PARP11: variants seen among roughly 807,000 people sequenced by gnomAD.
The protein encoded by PARP11 is poly(ADP-ribose) polymerase family member 11.
Under a neutral mutation model 42.9 loss-of-function variants are expected in PARP11, and 31 were observed. That is an observed-to-expected ratio of 0.72 (90% CI 0.54 to 0.98). PARP11 has a LOEUF of 0.98. Ranked by LOEUF, PARP11 falls within the 50% of genes least tolerant of loss-of-function variation. The pLI is 0.00. For synonymous variants in PARP11, 137 were observed against 127.3 expected (o/e 1.08, Z -0.51); for missense variants, 365 against 413.1 (o/e 0.88, Z 1.01).
chr12:3,853,049 G>A (rs528016068), intron 1 of PARP11, among the ~76,000 whole-genome samples: 21 of 152,266 alleles, frequency 1.4e-4, no homozygotes, highest in Admixed American at 3.3e-4. Flanking sequence ...CATAAGTGAA[G>A]GAGAAATAAA....
chr12:3,816,930 G>A (rs1314984557), intron 6 of PARP11, among the ~76,000 whole-genome samples: 5 of 152,092 alleles, frequency 3.3e-5, no homozygotes, highest in Non-Finnish European at 4.4e-5. Flanking sequence ...AGAGGCTCAC[G>A]CCTGTAATTC....
intron 1 of PARP11, among the ~76,000 whole-genome samples, chr12:3,842,964 CTATTT>C (rs1248635503): frequency 1.3e-5 from 2 of 152,142 alleles, no homozygotes; most frequent in Non-Finnish European, 1.5e-5. Flanking sequence ...ATAGAAATGT[CTATTT>C]TATTATGCAA....
chr12:3,833,082 C>T (rs1947680227), intron 1 of PARP11, among the ~76,000 whole-genome samples: 1 of 152,180 alleles, frequency 6.6e-6, no homozygotes, highest in Non-Finnish European at 1.5e-5. Flanking sequence ...GCCTTCCAGA[C>T]TGGTTTCAAG....
intron 1 of PARP11, among the ~76,000 whole-genome samples, chr12:3,853,584 A>G (rs1948137846): frequency 6.6e-6 from 1 of 152,226 alleles, no homozygotes; most frequent in Non-Finnish European, 1.5e-5. Flanking sequence ...AGGAGAGCTA[A>G]CTATCCTAAA....
chr12:3,830,417 C>T (rs910203231), intron 1 of PARP11, among the ~76,000 whole-genome samples: 2 of 152,110 alleles, frequency 1.3e-5, no homozygotes, highest in African/African-American at 4.8e-5. Flanking sequence ...TTATTTTAAA[C>T]AGTCATTTCA....
At chr12:3,862,528 TA>T (rs1948313129) in intron 1 of PARP11, among the ~76,000 whole-genome samples, 1 of 151,334 alleles carries the variant, frequency 6.6e-6, no homozygotes, top group South Asian at 2.1e-4. Context: ...CATTTAGGTC[TA>T]TGATCCATTT....
intron 6 of PARP11, among the ~76,000 whole-genome samples, chr12:3,818,707 C>T (rs1342567741): frequency 6.6e-6 from 1 of 152,158 alleles, no homozygotes; most frequent in East Asian, 1.9e-4. Context: ...TACCAATGGC[C>T]TTCTTATTGA....
chr12:3,814,014 G>A (rs1408300098), intron 7 of PARP11, 23 bp downstream of exon 7: 1 of 1,522,766 alleles, frequency 6.6e-7, no homozygotes. Flanking sequence ...GGCTCAAATT[G>A]GACCTGGAAT....
chr12:3,853,476 G>C (rs1439882573), intron 1 of PARP11, among the ~76,000 whole-genome samples: 1 of 152,114 alleles, frequency 6.6e-6, no homozygotes, highest in Non-Finnish European at 1.5e-5. Context: ...AAGAGCAGGG[G>C]TTGCAATCCT....
At position 3,828,956 on chromosome 12, in the gene PARP11, G is replaced by A; in HGVS notation, c.222C>T (p.Ser74=). ...TGAATTTGGAAGTAGTAAAAGAAATGGAGCCACAAGGGTTTGTTTTGAAGC... is the reference window on the plus strand; with the variant it reads ...TGAATTTGGAAGTAGTAAAAGAAATAGAGCCACAAGGGTTTGTTTTGAAGC... The part of the protein sequence containing the change: ...EKSFKTNPCG[S]ISFTTSKFSY... Residue 74 remains serine, a synonymous_variant, in exon 3 of 8, where the codon TCC becomes TCT. Coordinates refer to ENST00000228820, the MANE Select transcript of PARP11 (RefSeq NM_020367.6). 8 of 1,613,932 alleles carry A rather than the reference G, an allele frequency of 5.0e-6. No individual in the cohort carries two copies. Among genetic ancestry groups the A allele is most frequent in the Non-Finnish European group, 5.9e-6 (7 of 1,179,854 alleles).
At chr12:3,837,145 T>A (rs980904168) in intron 1 of PARP11, among the ~76,000 whole-genome samples, 2 of 152,154 alleles carry the variant, frequency 1.3e-5, no homozygotes, top group African/African-American at 4.8e-5. Context: ...AACACCACAT[T>A]GTAGGAGCTT....
At chr12:3,851,828 G>A (rs953434595) in intron 1 of PARP11, among the ~76,000 whole-genome samples, 9 of 152,198 alleles carry the variant, frequency 5.9e-5, no homozygotes, top group Admixed American at 3.9e-4. Context: ...CCTGACCCCC[G>A]TGTAGCTTAA....
chr12:3,811,940 G>A lies in PARP11; in HGVS notation c.*183C>T. 3 of 527,802 alleles carry A rather than the reference G, an allele frequency of 5.7e-6. No individual in the cohort carries two copies. Among genetic ancestry groups the A allele is most frequent in the Non-Finnish European group, 1.0e-5 (3 of 301,464 alleles). 32.7% of individuals were successfully genotyped at this position (527,802 alleles called of 1,614,324 possible). The stretch of plus-strand genomic sequence containing the variant: ...TAACAAACAAGACTACAAGAAACAG[G>A]CAAAAACAAAACAACAAAAACCAAC... On this transcript the variant is annotated 3_prime_UTR_variant, in exon 8 of 8. Coordinates refer to ENST00000228820, the MANE Select transcript of PARP11 (RefSeq NM_020367.6).
At chr12:3,862,147 G>T (rs11616103) in intron 1 of PARP11, among the ~76,000 whole-genome samples, 18,355 of 152,180 alleles carry the variant, frequency 0.12, 1,369 homozygotes, top group Admixed American at 0.23. Context: ...ATTTTTCTCA[G>T]CCAGGCATAG....
At chr12:3,838,413 G>A (rs1164082277) in intron 1 of PARP11, among the ~76,000 whole-genome samples, 1 of 151,998 alleles carries the variant, frequency 6.6e-6, no homozygotes, top group Admixed American at 6.5e-5. Context: ...TGAAAGTGGA[G>A]ATACAAAATA....
At chr12:3,862,348 G>A (rs998436087) in intron 1 of PARP11, among the ~76,000 whole-genome samples, 2 of 152,070 alleles carry the variant, frequency 1.3e-5, no homozygotes, top group Non-Finnish European at 2.9e-5. Context: ...AGCTACTTGG[G>A]AGACAGGCAA....
chr12:3,868,386 G>T (rs1368369558), intron 1 of PARP11, among the ~76,000 whole-genome samples: 1 of 152,126 alleles, frequency 6.6e-6, no homozygotes, highest in African/African-American at 2.4e-5. Context: ...CTTGAACCCA[G>T]GAGGCAGAGG....
intron 7 of PARP11, among the ~76,000 whole-genome samples, chr12:3,812,778 A>G (rs1406867391): frequency 6.6e-6 from 1 of 152,166 alleles, no homozygotes; most frequent in African/African-American, 2.4e-5. Context: ...TTTAATGATT[A>G]AAAGTGTGGT....
intron 1 of PARP11, chr12:3,842,091 G>GAA (rs1410082321): frequency 6.2e-7 from 1 of 1,606,220 alleles, no homozygotes; most frequent in African/African-American, 1.3e-5. Context: ...GAGAGAGAGA[G>GAA]AAATTGTGCC....
Sources: allele counts gnomAD v4.1 joint callset (sites outside exome capture counted in the v4.1 genomes callset), GRCh38; gene constraint gnomAD v4.1.1; transcripts MANE v1.5; gene names NCBI Gene and HGNC (gene_info 2026-07-23, HGNC 2026-07-21).